EP300: variants seen among roughly 807,000 people sequenced by gnomAD.
EP300 encodes EP300 lysine acetyltransferase.
A neutral mutation model predicts 264.0 loss-of-function variants in EP300; 31 were observed. The observed-to-expected ratio is 0.12, with a 90% CI of 0.09 to 0.16. EP300 has a LOEUF of 0.16. Among genes scored for constraint, EP300 ranks in the 10% least tolerant of loss-of-function variants. EP300 has a pLI of 1.00. For synonymous variants in EP300, 1,340 were observed against 1,045.4 expected (o/e 1.28, Z -5.44); for missense variants, 2,766 against 3,052.9 (o/e 0.91, Z 2.21).
intron 29 of EP300, among the ~76,000 whole-genome samples, chr22:41,175,650 A>G (rs1601638576): frequency 1.3e-5 from 2 of 152,314 alleles, no homozygotes; most frequent in African/African-American, 4.8e-5. Context: ...TACTGTCTCC[A>G]TATTTGGATT....
At chr22:41,130,683 G>A (rs939368009) in intron 5 of EP300, among the ~76,000 whole-genome samples, 3 of 152,106 alleles carry the variant, frequency 2.0e-5, no homozygotes, top group African/African-American at 7.2e-5. Flanking sequence ...AAAGACCGTT[G>A]CTTTGGCATT....
chr22:41,165,963 T>C (rs1015015162), intron 22 of EP300, among the ~76,000 whole-genome samples: 3 of 151,622 alleles, frequency 2.0e-5, no homozygotes, highest in African/African-American at 7.3e-5. Context: ...TCTTGTATTT[T>C]TACTAGAGAC....
intron 14 of EP300, among the ~76,000 whole-genome samples, chr22:41,151,198 C>T (rs1222706327): frequency 6.6e-6 from 1 of 151,946 alleles, no homozygotes; most frequent in Non-Finnish European, 1.5e-5. Flanking sequence ...CTGTACTTGA[C>T]GGATGGCTGG....
chr22:41,098,239 A>T (rs2058712716), intron 1 of EP300, among the ~76,000 whole-genome samples: 1 of 151,974 alleles, frequency 6.6e-6, no homozygotes, highest in Admixed American at 6.6e-5. Flanking sequence ...TTTTCATGGG[A>T]AATTACTGCT....
rs2059234739 is a variant in EP300, at chr22:41,180,025, GTTAAA to G, written c.*1072_*1076del. 1 of 230,700 alleles carries G rather than the reference GTTAAA, an allele frequency of 4.3e-6. No homozygotes were observed. The highest frequency in any genetic ancestry group is 8.6e-6 in the Non-Finnish European group (1 of 116,352). 14.3% of individuals were successfully genotyped at this position (230,700 alleles called of 1,614,324 possible). A position where few individuals can be genotyped will look rare whatever the true frequency, so the allele number is the denominator to read the frequency against. The stretch of plus-strand genomic sequence containing the variant: ...TGAACTTTGGATCACTGTATAGACT[GTTAAA>G]TTTGATTTCTTATTACCTATTGTTA... On this transcript the variant is annotated 3_prime_UTR_variant, in exon 31 of 31. Transcript: ENST00000263253.
In EP300 at chr22:41,136,468, G is replaced by A. The variant is rs551716401; in HGVS notation, c.1622+562G>A. ...TGTTAAGAATTAGTCCACCAGCCTG[G>A]GCAATATGTCAAGACGTCTTCTCTA... On this transcript the variant is annotated intron_variant, in intron 7 of 30. Coordinates refer to ENST00000263253, the MANE Select transcript of EP300 (RefSeq NM_001429.4). 4.1e-4 allele frequency among the ~76,000 whole-genome samples: 62 copies of A among 152,260 alleles called. 1 individual carries two copies. The highest frequency in any genetic ancestry group is 3.6e-3 in the Admixed American group (55 of 15,286).
chr22:41,144,764 G>A (rs909277874), intron 10 of EP300, among the ~76,000 whole-genome samples: 4 of 152,088 alleles, frequency 2.6e-5, no homozygotes, highest in South Asian at 2.1e-4. Context: ...AGATACATTC[G>A]TATCTGCATC....
chr22:41,172,787 A>G (rs2059178266), intron 28 of EP300, 124 bp downstream of exon 28: 2 of 1,062,388 alleles, frequency 1.9e-6, no homozygotes, highest in Non-Finnish European at 2.8e-6. Context: ...AAGTTGGACA[A>G]GAAATATTGG....
intron 16 of EP300, among the ~76,000 whole-genome samples, chr22:41,152,705 C>T (rs776482183): frequency 1.3e-5 from 2 of 152,048 alleles, no homozygotes; most frequent in Non-Finnish European, 2.9e-5. Context: ...CATTCACCTG[C>T]TGTGTGCTAA....
At chr22:41,112,410 G>T (rs13058113) in intron 1 of EP300, among the ~76,000 whole-genome samples, 37,885 of 150,960 alleles carry the variant, frequency 0.25, 5,562 homozygotes, top group Admixed American at 0.43. Context: ...TATTGGCCAG[G>T]CTGGTCTCAA....
intron 4 of EP300, among the ~76,000 whole-genome samples, chr22:41,128,424 G>T (rs994870578): frequency 6.6e-6 from 1 of 151,910 alleles, no homozygotes; most frequent in Non-Finnish European, 1.5e-5. Context: ...TCATACCACT[G>T]CACTCCAGCC....
At position 41,178,101 on chromosome 22, in the gene EP300, G is replaced by A. The variant is rs147973806; in HGVS notation, c.6390G>A (p.Met2130Ile). 269 of 1,614,106 alleles carry A rather than the reference G, an allele frequency of 1.7e-4. 2 individuals carry two copies. In the African/African-American group the frequency reaches 3.2e-3, roughly 19 times the overall value. ...GQQGVHSNPAMQNMNPMQAGV... is the reference protein window; with the variant it reads ...GQQGVHSNPAIQNMNPMQAGV... Reference sequence around the variant, plus strand: ...AGGGGGTCCACTCCAATCCAGCCATGCAGAACATGAATCCAATGCAGGCGG... The same window carrying A: ...AGGGGGTCCACTCCAATCCAGCCATACAGAACATGAATCCAATGCAGGCGG... Residue 2130 changes from methionine to isoleucine, a missense_variant, in exon 31 of 31, where the codon ATG becomes ATA. Physicochemically the swap from Met to Ile is conservative, Grantham distance 10 (BLOSUM62 1). Transcript: ENST00000263253.
At chr22:41,165,178 C>A (rs758610695) in intron 22 of EP300, among the ~76,000 whole-genome samples, 4 of 152,116 alleles carry the variant, frequency 2.6e-5, no homozygotes, top group Non-Finnish European at 5.9e-5. Context: ...CTTTCCTTAA[C>A]AGATTTCGTA....
At chr22:41,135,984 C>G in intron 7 of EP300, 78 bp downstream of exon 7, 1 of 1,131,698 alleles carries the variant, frequency 8.8e-7, no homozygotes, top group Non-Finnish European at 1.3e-6. Context: ...GACTTTTGAA[C>G]TTAGTTTCCT....
chr22:41,174,070 A>G (rs1205765856), intron 29 of EP300, among the ~76,000 whole-genome samples: 1 of 152,128 alleles, frequency 6.6e-6, no homozygotes, highest in Non-Finnish European at 1.5e-5. Flanking sequence ...AGGTCACTCC[A>G]TTGCACTCCA....
At chr22:41,146,997 CA>C (rs2059014731) in intron 11 of EP300, among the ~76,000 whole-genome samples, 181 bp downstream of exon 11, 1 of 151,998 alleles carries the variant, frequency 6.6e-6, no homozygotes, top group Non-Finnish European at 1.5e-5. Flanking sequence ...ATTAAATGAT[CA>C]AGTATCCATT....
chr22:41,093,010 C>T lies in EP300; in HGVS notation c.6C>T (p.Ala2=), dbSNP rs1292335705. The change falls in exon 1 of 31, where the codon GCC becomes GCT. Residue 2 remains alanine, a synonymous_variant. Coordinates refer to ENST00000263253, the MANE Select transcript of EP300 (RefSeq NM_001429.4). M[A]ENVVEPGPPS... is the part of the protein sequence containing the mutation. ...TATCTCCGAAAGAATTAAAAATGGCCGAGAATGTGGTGGAACCGGGGCCGC... is the reference window on the plus strand; with the variant it reads ...TATCTCCGAAAGAATTAAAAATGGCTGAGAATGTGGTGGAACCGGGGCCGC... The T allele has an allele frequency of 1.9e-6, 3 of 1,614,114 alleles. No individual in the cohort carries two copies. Among genetic ancestry groups the T allele is most frequent in the Non-Finnish European group, 2.5e-6 (3 of 1,180,028 alleles).
At chr22:41,133,224 T>G (rs1238697053) in intron 6 of EP300, among the ~76,000 whole-genome samples, 1 of 138,554 alleles carries the variant, frequency 7.2e-6, no homozygotes, top group Non-Finnish European at 1.5e-5. Flanking sequence ...TGGCACGATC[T>G]TGGCTCACTG....
At chr22:41,135,237 CT>C (rs1343925131) in intron 6 of EP300, among the ~76,000 whole-genome samples, 2 of 152,174 alleles carry the variant, frequency 1.3e-5, no homozygotes, top group African/African-American at 2.4e-5. Flanking sequence ...ATGCACTTAC[CT>C]TTTTCCTTAA....
Sources: gnomAD v4.1 joint callset for allele counts (sites outside exome capture counted in the v4.1 genomes callset) on GRCh38, gnomAD v4.1.1 for gene constraint, MANE v1.5 for transcripts, NCBI Gene and HGNC (gene_info 2026-07-23, HGNC 2026-07-21) for gene names.